The following PSRC1 variants were observed in gnomAD, a reference collection of about 807,000 sequenced individuals.
PSRC1 encodes proline and serine rich coiled-coil 1.
In PSRC1, 30 loss-of-function variants were observed where a neutral mutation model predicts 31.9. The ratio of observed to expected loss-of-function variants is 0.94; its 90% CI spans 0.70 to 1.28. PSRC1 has a LOEUF of 1.28. PSRC1 is among the 50% of genes most tolerant of loss of function. PSRC1 has a pLI of 0.00. For synonymous variants in PSRC1, 191 were observed against 192.1 expected (o/e 0.99, Z 0.05); for missense variants, 481 against 472.8 (o/e 1.02, Z -0.16).
chr1:109,280,957 T>C, exon 5 of PSRC1: 1 of 1,613,390 alleles, frequency 6.2e-7, no homozygotes, highest in Non-Finnish European at 8.5e-7. Context: ...CTGGAAGATT[T>C]AGCAGCTGCT....
chr1:109,281,845 C>G (rs767380582), exon 4 of PSRC1: 3 of 1,613,918 alleles, frequency 1.9e-6, no homozygotes, highest in Non-Finnish European at 2.5e-6. Flanking sequence ...CTCGCCTGCG[C>G]TCTCCCGATC....
At position 109,280,266 on chromosome 1, in the gene PSRC1, C is replaced by T. The variant is rs1656823592; in HGVS notation, c.1089-110G>A. On this transcript the variant is annotated intron_variant, in intron 6 of 6. Transcript: ENST00000409138. ...GGTGGGAAGAAATGGGATCCCCCTTCCCCTGCCCCAGGCTCCCCTCCTCTC... is the reference window on the plus strand; with the variant it reads ...GGTGGGAAGAAATGGGATCCCCCTTTCCCTGCCCCAGGCTCCCCTCCTCTC... 7 of 1,450,082 alleles carry T rather than the reference C, an allele frequency of 4.8e-6. No individual in the cohort carries two copies. In the East Asian group the frequency reaches 1.4e-4, roughly 28 times the overall value. 89.8% of individuals were successfully genotyped at this position (1,450,082 alleles called of 1,614,324 possible). A position where few individuals can be genotyped will look rare whatever the true frequency, so the allele number is the denominator to read the frequency against.
chr1:109,279,876 T>G (rs533912697), exon 7 of PSRC1: 3 of 528,178 alleles, frequency 5.7e-6, no homozygotes, highest in Non-Finnish European at 6.8e-6. Context: ...ACCACTTGCC[T>G]GTACTTCTCA....
At chr1:109,279,803 A>C (rs1449135389) in exon 7 of PSRC1, 1 of 323,914 alleles carries the variant, frequency 3.1e-6, no homozygotes, top group African/African-American at 2.1e-5. Context: ...CAGTGAACCA[A>C]TGCCAAGGAA....
intron 5 of PSRC1, 28 bp downstream of exon 6, chr1:109,280,749 G>T: frequency 6.6e-7 from 1 of 1,522,382 alleles, no homozygotes. Flanking sequence ...CTGGGCAAGG[G>T]CGGGCATTCT....
At chr1:109,280,830 C>T (rs1656946418) in exon 5 of PSRC1, 1 of 1,609,472 alleles carries the variant, frequency 6.2e-7, no homozygotes, top group Non-Finnish European at 8.5e-7. Flanking sequence ...TCTTGGAAGC[C>T]CTTTTCGAGT....
In PSRC1 at chr1:109,282,549, A is replaced by G. The variant is rs762893765; in HGVS notation, c.46T>C (p.Leu16=). 5 of 1,614,198 alleles carry G rather than the reference A, an allele frequency of 3.1e-6. No individual in the cohort carries two copies. The South Asian group carries it at 3.3e-5, about 11-fold the overall frequency. Residue 16 remains leucine (L), a synonymous_variant, in exon 3 of 7, where the codon TTG becomes CTG. Transcript: ENST00000409138. ...GATGGTGACAGCCCCCCAAAGTCCA[A>G]GGTCTCATCCACAATAAACCTTACA...
At chr1:109,280,274 C>T (rs1656824629) in intron 6 of PSRC1, 118 bp from the exon 8 acceptor site, 3 of 1,422,326 alleles carry the variant, frequency 2.1e-6, no homozygotes, top group Admixed American at 1.7e-5. Context: ...TTCCCCTGCC[C>T]CAGGCTCCCC....
chr1:109,280,272 C>A, intron 6 of PSRC1, 116 bp from the exon 8 acceptor site: 2 of 1,411,226 alleles, frequency 1.4e-6, no homozygotes, highest in Non-Finnish European at 2.0e-6. Context: ...CCTTCCCCTG[C>A]CCCAGGCTCC....
chr1:109,281,346 A>G (rs1462311753), intron 4 of PSRC1, 95 bp from the exon 5 acceptor site: 3 of 1,121,326 alleles, frequency 2.7e-6, no homozygotes, highest in African/African-American at 3.2e-5. Context: ...AGAGTTGTCT[A>G]CATCCCAGTA....
In PSRC1 at chr1:109,281,607, C is replaced by T. The variant is rs375665019; in HGVS notation, c.519+12G>A. Reference sequence around the variant, plus strand: ...TCTGGGGCACACCTCCAACTCAACTCTCTCAACTCACCCTCTTCATGTTGG... The same window carrying T: ...TCTGGGGCACACCTCCAACTCAACTTTCTCAACTCACCCTCTTCATGTTGG... On this transcript the variant is annotated intron_variant, in intron 4 of 6. Transcript: ENST00000409138. 78 of 1,601,604 alleles carry T rather than the reference C, an allele frequency of 4.9e-5. No individual in the cohort carries two copies. In the African/African-American group the frequency reaches 8.4e-4, roughly 17 times the overall value.
chr1:109,281,356 A>G, intron 4 of PSRC1, 105 bp from the exon 5 acceptor site: 3 of 1,032,418 alleles, frequency 2.9e-6, no homozygotes, highest in Non-Finnish European at 4.2e-6. Context: ...ACATCCCAGT[A>G]AGGAAGGGTA....
intron 5 of PSRC1, 39 bp from the exon 7 acceptor site, chr1:109,280,528 GT>G (rs1656894395): frequency 6.6e-7 from 1 of 1,525,408 alleles, no homozygotes; most frequent in Non-Finnish European, 9.0e-7. Context: ...TTAGCAGCAA[GT>G]TTAACTGACC....
exon 5 of PSRC1, chr1:109,281,187 G>C (rs376107085): frequency 2.5e-6 from 4 of 1,613,560 alleles, no homozygotes; most frequent in South Asian, 1.1e-5. Context: ...TGGGGGAGTC[G>C]ATCGGGTAAG....
intron 3 of PSRC1, 64 bp from the exon 4 acceptor site, chr1:109,282,124 A>T: frequency 7.4e-7 from 1 of 1,352,482 alleles, no homozygotes; most frequent in Non-Finnish European, 9.8e-7. Flanking sequence ...TATGCAAGGG[A>T]GACTGCATAA....
rs1657401465 is a variant in PSRC1, at chr1:109,282,801, G to T, written c.-33-70C>A. 2.0e-6 allele frequency: 3 copies of T among 1,497,906 alleles called. No homozygotes were observed. In the Admixed American group the frequency reaches 5.9e-5, roughly 30 times the overall value. The allele number at this position is 1,497,906 out of a possible 1,614,324, so 92.8% of individuals were successfully genotyped here. ...CCCAAGGCTCGCAGCTAGATTCAGG[G>T]TGCAAGCCAGGGTCGGGGGTCATGC... On this transcript the variant is annotated intron_variant, in intron 1 of 6. Coordinates refer to ENST00000409138, the Ensembl canonical transcript of PSRC1.
At position 109,280,738 on chromosome 1, in the gene PSRC1, G is replaced by A. The variant is rs369453365; in HGVS notation, c.994+39C>T. 9.1e-5 allele frequency: 136 copies of A among 1,493,968 alleles called. 1 individual carries two copies. The East Asian group carries it at 1.1e-3, about 12-fold the overall frequency. 92.5% of individuals were successfully genotyped at this position (1,493,968 alleles called of 1,614,324 possible). A position where few individuals can be genotyped will look rare whatever the true frequency, so the allele number is the denominator to read the frequency against. ...GACAGCTCTGGGAGGGTGAGGACACGCTGGGCAAGGGCGGGCATTCTTCCT... is the reference window on the plus strand; with the variant it reads ...GACAGCTCTGGGAGGGTGAGGACACACTGGGCAAGGGCGGGCATTCTTCCT... On this transcript the variant is annotated intron_variant, in intron 5 of 6. Transcript: ENST00000409138.
rs111316439 is a variant in PSRC1, at chr1:109,283,138, C to CG, written c.-99dup. The stretch of plus-strand genomic sequence containing the variant: ...CAGGCTTTCTCCCGCAACCTAGTCC[C>CG]GGGAATCAGCTCCGAGGGGGCGGGG... On this transcript the variant is annotated 5_prime_UTR_variant, in exon 1 of 7. Coordinates refer to ENST00000409138, the Ensembl canonical transcript of PSRC1. The CG allele has an allele frequency of 4.4e-3, 907 of 207,570 alleles. 7 individuals carry two copies. The highest frequency in any genetic ancestry group is 0.019 in the African/African-American group (838 of 43,122). The allele number at this position is 207,570 out of a possible 1,614,324, so 12.9% of individuals were successfully genotyped here. A position where few individuals can be genotyped will look rare whatever the true frequency, so the allele number is the denominator to read the frequency against.
chr1:109,280,490 C>T lies in PSRC1; in HGVS notation c.995-1G>A, dbSNP rs1557745566. ...AGATTTAGTCGCTGGGAAACAGGAA[C>T]TTCATGGGGGTTAACAAAAGAAATG... On this transcript the variant is annotated splice_acceptor_variant, in intron 5 of 6. Coordinates refer to ENST00000409138, the Ensembl canonical transcript of PSRC1. LOFTEE classifies it high-confidence loss of function. 6.2e-7 allele frequency: 1 copy of T among 1,610,352 alleles called. No homozygotes were observed. The highest frequency in any genetic ancestry group is 1.1e-5 in the South Asian group (1 of 90,532).
Sources: gnomAD v4.1 joint callset for allele counts on GRCh38, gnomAD v4.1.1 for gene constraint, MANE v1.5 for transcripts, NCBI Gene and HGNC (gene_info 2026-07-23, HGNC 2026-07-21) for gene names.